Variants in PBX1 observed in about 807,000 individuals in gnomAD.
PBX1 encodes the protein PBX homeobox 1.
A neutral mutation model predicts 53.4 loss-of-function variants in PBX1; 6 were observed. The ratio of observed to expected loss-of-function variants is 0.11; its 90% confidence interval spans 0.06 to 0.22. The LOEUF is 0.22. Among genes scored for constraint, PBX1 ranks in the 10% least tolerant of loss-of-function variants. The pLI is 1.00. For synonymous variants in PBX1, 204 were observed against 212.3 expected, an observed-to-expected ratio of 0.96 and a Z score of 0.34; for missense variants, 251 against 551.4, an observed-to-expected ratio of 0.46 and a Z score of 5.46.
chr1:164,563,945 A>G (rs1340168174), intron 2 of PBX1: 2 of 152,220 alleles, frequency 1.3e-5, no homozygotes, highest in Non-Finnish European at 2.9e-5. Flanking sequence ...TTCGTGGACT[A>G]ACACACTTAT....
intron 2 of PBX1, chr1:164,642,289 G>A (rs1659190804): frequency 6.6e-6 from 1 of 152,212 alleles, no homozygotes; most frequent in African/African-American, 2.4e-5. Context: ...GCAAGTAGAA[G>A]TGTCTTGCCA....
At chr1:164,799,383 C>T (rs1408489683) in intron 3 of PBX1, among the ~76,000 whole-genome samples, 1 of 152,050 alleles carries the variant, frequency 6.6e-6, no homozygotes, top group African/African-American at 2.4e-5. Context: ...CCCAGCTACT[C>T]CGGAGGCTGA....
At chr1:164,772,364 C>T (rs995080955) in intron 2 of PBX1, among the ~76,000 whole-genome samples, 1 of 152,142 alleles carries the variant, frequency 6.6e-6, no homozygotes, top group Non-Finnish European at 1.5e-5. Flanking sequence ...TCTGACAAGC[C>T]ACTCTAAAAG....
At chr1:164,881,682 T>A (rs1262806788) in intron 2 of PBX1, among the ~76,000 whole-genome samples, 1 of 146,476 alleles carries the variant, frequency 6.8e-6, no homozygotes, top group African/African-American at 2.5e-5. Context: ...AGCTAGGAAG[T>A]TCCAAAGACA....
At chr1:164,883,507 C>T (rs574262219) in intron 2 of PBX1, among the ~76,000 whole-genome samples, 1 of 152,214 alleles carries the variant, frequency 6.6e-6, no homozygotes, top group African/African-American at 2.4e-5. Flanking sequence ...CACAATAGTC[C>T]TCATTTTCCA....
In PBX1 at chr1:164,710,603, G is replaced by T. The variant is rs183818127; in HGVS notation, c.266-81891G>T. Among the ~76,000 whole-genome samples, 470 of 152,190 alleles carry T rather than the reference G, an allele frequency of 3.1e-3. 5 individuals carry two copies. Among genetic ancestry groups the T allele is most frequent in the South Asian group, 0.021 (100 of 4,814 alleles). On this transcript the variant is annotated intron_variant, in intron 2 of 8. Coordinates refer to ENST00000420696, the MANE Select transcript of PBX1 (RefSeq NM_002585.4). The stretch of plus-strand genomic sequence containing the variant: ...ATTTTGTATTTTTAGTAGAGACGGG[G>T]TTTCTCCATGTTGGTCAGGCTGGTC...
intron 2 of PBX1, among the ~76,000 whole-genome samples, chr1:164,610,962 C>CT (rs1173906919): frequency 6.6e-6 from 1 of 152,152 alleles, no homozygotes; most frequent in Admixed American, 6.5e-5. Context: ...ACCATAAATC[C>CT]TTTTTCCTTT....
chr1:164,847,032 A>AAAAATT lies in PBX1; in HGVS notation c.*358_*363dup. Reference sequence around the variant, plus strand: ...ACAATTAGAGGAATTTAAAGAGGAAAAAAATTACAAAGAAAATAATAAAAG... The same window carrying AAAAATT: ...ACAATTAGAGGAATTTAAAGAGGAAAAAAATTAAAATTACAAAGAAAATAATAAAAG... On this transcript the variant is annotated 3_prime_UTR_variant, in exon 9 of 9. Coordinates refer to ENST00000420696, the MANE Select transcript of PBX1 (RefSeq NM_002585.4). The AAAAATT allele has an allele frequency of 8.9e-7, 1 of 1,127,594 alleles. No homozygotes were observed. The highest frequency in any genetic ancestry group is 1.1e-6 in the Non-Finnish European group (1 of 916,938). The allele number at this position is 1,127,594 out of a possible 1,614,324, so 69.8% of individuals were successfully genotyped here.
At chr1:164,855,946 C>T (rs577262212), downstream of PBX1, among the ~76,000 whole-genome samples, 1 of 152,344 alleles carries the variant, frequency 6.6e-6, no homozygotes, top group South Asian at 2.1e-4. Flanking sequence ...CCCGCCTCCC[C>T]CTTGGTATTC....
intron 2 of PBX1, among the ~76,000 whole-genome samples, chr1:164,615,773 C>T (rs1230151758): frequency 6.6e-6 from 1 of 152,080 alleles, no homozygotes; most frequent in African/African-American, 2.4e-5. Context: ...ATAAAACCCA[C>T]GAGACAGTTA....
intron 2 of PBX1, among the ~76,000 whole-genome samples, chr1:164,659,325 G>T (rs913835367): frequency 2.6e-5 from 4 of 152,138 alleles, no homozygotes; most frequent in East Asian, 1.9e-4. Context: ...TAAATCAAAG[G>T]CATCCACAGA....
chr1:164,563,194 T>C, intron 1 of PBX1, 44 bp from the exon 2 acceptor site: 3 of 1,373,688 alleles, frequency 2.2e-6, no homozygotes, highest in Non-Finnish European at 3.1e-6. Flanking sequence ...GGCAGTTTGA[T>C]CTTGAGAGTC....
At chr1:164,712,881 C>T (rs1450571823) in intron 2 of PBX1, among the ~76,000 whole-genome samples, 2 of 152,184 alleles carry the variant, frequency 1.3e-5, no homozygotes, top group Non-Finnish European at 2.9e-5. Context: ...CTCTCCTGCT[C>T]TAGGGACTGA....
chr1:164,846,848 A>G lies in PBX1; in HGVS notation c.*172A>G, dbSNP rs961771639. 12 of 1,450,270 alleles carry G rather than the reference A, an allele frequency of 8.3e-6. No individual in the cohort carries two copies. In the African/African-American group the frequency reaches 1.6e-4, roughly 19 times the overall value. The allele number at this position is 1,450,270 out of a possible 1,614,324, so 89.8% of individuals were successfully genotyped here. On this transcript the variant is annotated 3_prime_UTR_variant, in exon 9 of 9. Coordinates refer to ENST00000420696, the MANE Select transcript of PBX1 (RefSeq NM_002585.4). ...TGGGATGCTATTTCAGCCAATCTGG[A>G]CACTTCTTTATACTCTCTTCCCTTT...
intron 2 of PBX1, among the ~76,000 whole-genome samples, chr1:164,611,203 T>A (rs944102409): frequency 2.0e-5 from 3 of 152,140 alleles, no homozygotes; most frequent in Non-Finnish European, 4.4e-5. Context: ...GGTCTGTTTT[T>A]CTCTCTAACT....
rs531231708 is a variant in PBX1 at position 164,645,802 on chromosome 1, C to T, written c.265+82491C>T. Reference sequence around the variant, plus strand: ...AATGACAACACTAAGGTGATGTGACCGTCCTGAATTAAAGTTTTTCAGTGA... The same window carrying T: ...AATGACAACACTAAGGTGATGTGACTGTCCTGAATTAAAGTTTTTCAGTGA... On this transcript the variant is annotated intron_variant, in intron 2 of 8. Coordinates refer to ENST00000420696, the MANE Select transcript of PBX1 (RefSeq NM_002585.4). Among the ~76,000 whole-genome samples, 16 of 152,252 alleles carry T rather than the reference C, an allele frequency of 1.1e-4. 1 individual carries two copies. Among genetic ancestry groups the T allele is most frequent in the Middle Eastern group, 3.4e-3 (1 of 294 alleles).
chr1:164,825,016 T>A (rs12134242), intron 8 of PBX1, among the ~76,000 whole-genome samples: 31,623 of 152,132 alleles, frequency 0.21, 3,609 homozygotes, highest in African/African-American at 0.29. Context: ...GCTCAAACCC[T>A]GAGTACGACA....
chr1:164,608,858 T>A (rs1656723161), intron 2 of PBX1, among the ~76,000 whole-genome samples: 1 of 152,148 alleles, frequency 6.6e-6, no homozygotes, highest in Non-Finnish European at 1.5e-5. Context: ...AAGAAATGAT[T>A]GGCTCCCAGA....
chr1:164,693,183 A>G (rs1258769519), intron 2 of PBX1, among the ~76,000 whole-genome samples: 2 of 152,176 alleles, frequency 1.3e-5, no homozygotes, highest in Admixed American at 6.5e-5. Context: ...AGCAGAGCAG[A>G]GTTTGGATGT....
Sources: allele counts gnomAD v4.1 joint callset (sites outside exome capture counted in the v4.1 genomes callset), GRCh38; gene constraint gnomAD v4.1.1; transcripts MANE v1.5; gene names NCBI Gene and HGNC (gene_info 2026-07-23, HGNC 2026-07-21).